RSRC1: variants seen among roughly 807,000 people sequenced by gnomAD.
The protein encoded by RSRC1 is serine/Arginine-related protein 53.
RSRC1 carries 39 observed loss-of-function variants against 49.1 expected under a neutral mutation model. That is an observed-to-expected ratio of 0.79 (90% confidence interval 0.61 to 1.04). RSRC1 has a LOEUF of 1.04. Among genes scored for constraint, RSRC1 ranks in the 50% least tolerant of loss-of-function variants. The pLI is 0.00. For synonymous variants in RSRC1, 143 were observed against 130.8 expected (o/e 1.09, Z -0.63); for missense variants, 388 against 402.4 (o/e 0.96, Z 0.31).
chr3:158,140,151 G>C (rs947653917), intron 3 of RSRC1, among the ~76,000 whole-genome samples: 27 of 152,092 alleles, frequency 1.8e-4, no homozygotes, highest in Non-Finnish European at 3.5e-4. Flanking sequence ...CACTGGTTCT[G>C]TTATTTGTGA....
chr3:158,147,252 C>A (rs1239649874), intron 3 of RSRC1, among the ~76,000 whole-genome samples: 1 of 151,458 alleles, frequency 6.6e-6, no homozygotes, highest in Non-Finnish European at 1.5e-5. Flanking sequence ...TATTTTTTTC[C>A]ATGTGTGAGA....
At chr3:158,215,125 C>T (rs2108292448) in intron 4 of RSRC1, among the ~76,000 whole-genome samples, 2 of 151,738 alleles carry the variant, frequency 1.3e-5, no homozygotes, top group South Asian at 4.2e-4. Flanking sequence ...GTGCTTTCAT[C>T]TTTGTTCTTC....
At chr3:158,327,829 G>T (rs1356308304) in intron 5 of RSRC1, among the ~76,000 whole-genome samples, 1 of 152,094 alleles carries the variant, frequency 6.6e-6, no homozygotes, top group African/African-American at 2.4e-5. Flanking sequence ...GTTGACAGTG[G>T]GGTGTTAAAG....
chr3:158,227,719 G>T (rs976925682), intron 4 of RSRC1, among the ~76,000 whole-genome samples: 1 of 152,032 alleles, frequency 6.6e-6, no homozygotes, highest in Non-Finnish European at 1.5e-5. Context: ...CTAGACCAGG[G>T]ATCAGAAACT....
At chr3:158,524,604 C>T (rs946337501) in intron 7 of RSRC1, among the ~76,000 whole-genome samples, 7 of 151,952 alleles carry the variant, frequency 4.6e-5, no homozygotes, top group South Asian at 2.1e-4. Context: ...CATGTTATGA[C>T]GAGTTAATTC....
At chr3:158,494,980 A>C (rs1250398717) in intron 7 of RSRC1, among the ~76,000 whole-genome samples, 1 of 152,226 alleles carries the variant, frequency 6.6e-6, no homozygotes, top group Admixed American at 6.5e-5. Context: ...TTTATCAGCA[A>C]GTATTATGTG....
intron 6 of RSRC1, among the ~76,000 whole-genome samples, chr3:158,386,836 A>C (rs1458739518): frequency 2.0e-5 from 3 of 152,058 alleles, no homozygotes; most frequent in Non-Finnish European, 2.9e-5. Flanking sequence ...CAAAAAAAAA[A>C]AAAAGATAAT....
chr3:158,249,739 T>C (rs948974680), intron 4 of RSRC1, among the ~76,000 whole-genome samples: 1 of 152,116 alleles, frequency 6.6e-6, no homozygotes, highest in African/African-American at 2.4e-5. Context: ...CATGAGATAT[T>C]TTGATATAGT....
intron 6 of RSRC1, among the ~76,000 whole-genome samples, chr3:158,397,352 A>AG (rs1253639228): frequency 2.0e-5 from 3 of 152,196 alleles, no homozygotes; most frequent in African/African-American, 7.2e-5. Context: ...TTTGTGAAAT[A>AG]GTGACATGGT....
chr3:158,176,438 G>A (rs895813981), intron 3 of RSRC1, among the ~76,000 whole-genome samples: 19 of 152,276 alleles, frequency 1.2e-4, no homozygotes, highest in Middle Eastern at 3.4e-3. Flanking sequence ...GCATGGTACT[G>A]GTACCAAAAC....
intron 4 of RSRC1, among the ~76,000 whole-genome samples, chr3:158,285,168 T>C (rs1406944179): frequency 1.3e-5 from 2 of 152,216 alleles, no homozygotes; most frequent in East Asian, 1.9e-4. Context: ...CCCCATTGCT[T>C]GTTTTTGTCA....
intron 2 of RSRC1, among the ~76,000 whole-genome samples, chr3:158,123,245 G>T (rs371927393): frequency 6.6e-6 from 1 of 152,182 alleles, no homozygotes; most frequent in African/African-American, 2.4e-5. Flanking sequence ...GACCTCAGGT[G>T]ATCTGCCCTC....
intron 6 of RSRC1, among the ~76,000 whole-genome samples, chr3:158,416,687 A>C (rs1389039949): frequency 6.6e-6 from 1 of 152,080 alleles, no homozygotes; most frequent in Non-Finnish European, 1.5e-5. Context: ...CCCTGTCCAA[A>C]TGCAAATTTA....
chr3:158,230,411 A>G (rs981959240), intron 4 of RSRC1, among the ~76,000 whole-genome samples: 6 of 152,138 alleles, frequency 3.9e-5, no homozygotes, highest in African/African-American at 1.4e-4. Flanking sequence ...TAATATTTCT[A>G]AAGCCCACGT....
intron 6 of RSRC1, among the ~76,000 whole-genome samples, chr3:158,387,217 A>G (rs1447064234): frequency 6.6e-6 from 1 of 152,144 alleles, no homozygotes; most frequent in Non-Finnish European, 1.5e-5. Context: ...TACTACAGGC[A>G]ATTAAGAGCC....
intron 3 of RSRC1, among the ~76,000 whole-genome samples, chr3:158,124,551 G>A (rs1715492926): frequency 6.6e-6 from 1 of 151,882 alleles, no homozygotes; most frequent in South Asian, 2.1e-4. Context: ...TCTGCTCCTG[G>A]GCTTTTCTTT....
At chr3:158,438,152 C>A (rs1275144237) in intron 6 of RSRC1, among the ~76,000 whole-genome samples, 1 of 152,058 alleles carries the variant, frequency 6.6e-6, no homozygotes, top group Non-Finnish European at 1.5e-5. Context: ...CAAACCACTG[C>A]TCAAGGAAAT....
chr3:158,191,325 T>G (rs1263435269), intron 3 of RSRC1, among the ~76,000 whole-genome samples: 1 of 152,126 alleles, frequency 6.6e-6, no homozygotes, highest in Non-Finnish European at 1.5e-5. Flanking sequence ...TTATTTAATT[T>G]TAATTACAGT....
At chr3:158,286,839 T>G (rs958925125) in intron 4 of RSRC1, among the ~76,000 whole-genome samples, 2 of 152,212 alleles carry the variant, frequency 1.3e-5, no homozygotes, top group African/African-American at 4.8e-5. Flanking sequence ...AGGAAAGATA[T>G]ACACATGTTG....
Sources: allele counts gnomAD v4.1 joint callset (sites outside exome capture counted in the v4.1 genomes callset), GRCh38; gene constraint gnomAD v4.1.1; transcripts MANE v1.5; gene names NCBI Gene and HGNC (gene_info 2026-07-23, HGNC 2026-07-21).